The following ANK1 variants were observed in gnomAD, a reference collection of about 807,000 sequenced individuals.
ANK1 encodes ankyrin 1.
Under a neutral mutation model 210.4 loss-of-function variants are expected in ANK1, and 51 were observed. The ratio of observed to expected loss-of-function variants is 0.24; its 90% confidence interval spans 0.19 to 0.31. The LOEUF is 0.31. Among genes scored for constraint, ANK1 ranks in the 10% least tolerant of loss-of-function variants. ANK1 has a pLI of 1.00. For synonymous variants in ANK1, 967 were observed against 1,025.9 expected (o/e 0.94, Z 1.10); for missense variants, 2,051 against 2,504.4 (o/e 0.82, Z 3.86).
chr8:41,817,897 C>T lies in ANK1; in HGVS notation c.127-59760G>A, dbSNP rs568616065. On this transcript the variant is annotated intron_variant, in intron 1 of 42. Transcript: ENST00000265709. ...ATCCAGGGCCACTCCCAAAGACAGC[C>T]ACGGAGAGAAACCCTGAGACGATGC... Among the ~76,000 whole-genome samples the T allele has an allele frequency of 3.8e-4, 58 of 152,286 alleles. 1 individual carries two copies. Among genetic ancestry groups the T allele is most frequent in the African/African-American group, 1.4e-3 (57 of 41,570 alleles).
Position 41,871,756 on chromosome 8 carries a change from A to G in ANK1, c.126+24599T>C, listed in dbSNP as rs572061481. Among the ~76,000 whole-genome samples, 9 of 152,340 alleles carry G rather than the reference A, an allele frequency of 5.9e-5. 1 individual carries two copies. In the South Asian group the frequency reaches 1.4e-3, roughly 25 times the overall value. On this transcript the variant is annotated intron_variant, in intron 1 of 42. Transcript: ENST00000265709. ...CCAGTCTGTGGGACTTTGTTATGCC[A>G]GCCCTAGCAAGCTAAGACGCCATGC...
chr8:41,880,458 C>T (rs1313648841), intron 1 of ANK1, among the ~76,000 whole-genome samples: 10 of 152,144 alleles, frequency 6.6e-5, no homozygotes, highest in Non-Finnish European at 1.5e-4. Context: ...CTTTAATGCT[C>T]AGCTGTGAAC....
intron 2 of ANK1, among the ~76,000 whole-genome samples, chr8:41,747,835 T>C (rs1404514365): frequency 6.6e-6 from 1 of 152,216 alleles, no homozygotes; most frequent in Non-Finnish European, 1.5e-5. Context: ...CTGCTGTGAC[T>C]ACAAATGAAG....
chr8:41,775,019 A>C, intron 1 of ANK1, among the ~76,000 whole-genome samples: 1 of 152,120 alleles, frequency 6.6e-6, no homozygotes, highest in African/African-American at 2.4e-5. Flanking sequence ...ATGCAAAATC[A>C]AAATCATTGG....
chr8:41,706,076 G>A, intron 18 of ANK1, 67 bp downstream of exon 18: 1 of 1,469,232 alleles, frequency 6.8e-7, no homozygotes, highest in Non-Finnish European at 9.5e-7. Context: ...AAAGCTCTGT[G>A]GAAGATTCAA....
chr8:41,778,363 G>T (rs1316160460), intron 1 of ANK1, among the ~76,000 whole-genome samples: 1 of 152,216 alleles, frequency 6.6e-6, no homozygotes, highest in African/African-American at 2.4e-5. Context: ...CAAGGGAGTG[G>T]CTGAGATCAG....
intron 1 of ANK1, among the ~76,000 whole-genome samples, chr8:41,827,198 T>C (rs902025982): frequency 6.6e-6 from 1 of 152,222 alleles, no homozygotes; most frequent in African/African-American, 2.4e-5. Flanking sequence ...TATGCAAAAG[T>C]GAAAATTCTC....
rs149739384 is a variant in ANK1 at position 41,695,764 on chromosome 8, C to T, written c.2961-433G>A. Among the ~76,000 whole-genome samples the T allele has an allele frequency of 5.8e-3, 878 of 152,370 alleles. 8 individuals are homozygous for T. The highest frequency in any genetic ancestry group is 0.02 in the African/African-American group (832 of 41,588). ...TGCTTTGCAAATGGTGGTGACCGCT[C>T]TGAGGGGCCAGGAGGGCGGACAGAG... On this transcript the variant is annotated intron_variant, in intron 26 of 42. Transcript: ENST00000289734.
chr8:41,669,950 C>A (rs929412272), intron 38 of ANK1, among the ~76,000 whole-genome samples: 1 of 152,220 alleles, frequency 6.6e-6, no homozygotes, highest in Non-Finnish European at 1.5e-5. Flanking sequence ...TGTGGGGCAT[C>A]CTCCCTGAGA....
At chr8:41,782,439 G>C (rs1400235196) in intron 1 of ANK1, among the ~76,000 whole-genome samples, 3 of 152,098 alleles carry the variant, frequency 2.0e-5, no homozygotes, top group African/African-American at 7.2e-5. Flanking sequence ...TTGCCACTAA[G>C]CAGCAAGCCA....
chr8:41,838,329 G>T (rs191808343), intron 1 of ANK1, among the ~76,000 whole-genome samples: 1 of 152,340 alleles, frequency 6.6e-6, no homozygotes, highest in Admixed American at 6.5e-5. Flanking sequence ...TGGTTTCCAC[G>T]CTGTAGGACC....
intron 1 of ANK1, among the ~76,000 whole-genome samples, chr8:41,793,713 C>T (rs1172159963): frequency 6.6e-6 from 1 of 152,228 alleles, no homozygotes; most frequent in East Asian, 1.9e-4. Context: ...TCCGCTTTAT[C>T]CATGCCAAGG....
At chr8:41,844,164 C>T (rs1261723203) in intron 1 of ANK1, among the ~76,000 whole-genome samples, 1 of 152,228 alleles carries the variant, frequency 6.6e-6, no homozygotes. Flanking sequence ...TGAGCCACTT[C>T]ACCTGGCCTG....
chr8:41,848,057 C>T (rs1255104377), intron 1 of ANK1, among the ~76,000 whole-genome samples: 1 of 151,964 alleles, frequency 6.6e-6, no homozygotes, highest in African/African-American at 2.4e-5. Flanking sequence ...TGATGGTGTG[C>T]ACCTGTAATC....
upstream of ANK1, among the ~76,000 whole-genome samples, chr8:41,801,380 A>G (rs1269693520): frequency 3.9e-5 from 6 of 152,222 alleles, no homozygotes; most frequent in African/African-American, 1.4e-4. Context: ...TCTAGTGTGT[A>G]TGCTAGCAGG....
In ANK1 at chr8:41,694,648, C is replaced by G. The variant is rs760409431; in HGVS notation, c.3271G>C (p.Val1091Leu). ...GCATTCTCCGGGAACGTTGCCTGTA[C>G]CAGGGGCACCAGCTTGCTCTTCAGG... is the stretch of plus-strand genomic sequence containing the variant. ...GSLKSKLVPL[V>L]QATFPENAVT... Residue 1091 changes from valine (V) to leucine (L), a missense_variant, in exon 28 of 43, where the codon GTA becomes CTA. Physicochemically the swap from Val to Leu is conservative, Grantham distance 32 (BLOSUM62 1). Transcript: ENST00000289734. The surrounding 1 kb of genome is among the most constrained non-coding windows in gnomAD (Gnocchi z 5.7). The G allele has an allele frequency of 6.2e-7, 1 of 1,614,104 alleles. No homozygotes were observed. The highest frequency in any genetic ancestry group is 8.5e-7 in the Non-Finnish European group (1 of 1,180,016).
At chr8:41,869,571 C>A (rs957047734) in intron 1 of ANK1, among the ~76,000 whole-genome samples, 1 of 151,954 alleles carries the variant, frequency 6.6e-6, no homozygotes, top group East Asian at 1.9e-4. Context: ...CAGAGCGAGA[C>A]CATCTAAAAT....
At chr8:41,751,582 G>T (rs114186401) in intron 2 of ANK1, among the ~76,000 whole-genome samples, 1,662 of 152,234 alleles carry the variant, frequency 0.011, 37 homozygotes, top group African/African-American at 0.038. Context: ...CCCAGGCTGC[G>T]TAAGGAGCCC....
chr8:41,718,239 A>G, intron 10 of ANK1, 35 bp from the exon 11 acceptor site: 1 of 1,606,738 alleles, frequency 6.2e-7, no homozygotes, highest in Non-Finnish European at 8.5e-7. Flanking sequence ...GACAAGCAGG[A>G]GCTTACACAC....
Sources: gnomAD v4.1 joint callset for allele counts (sites outside exome capture counted in the v4.1 genomes callset) on GRCh38, gnomAD v4.1.1 for gene constraint, Gnocchi (gnomAD v3.1) non-coding constraint, MANE v1.5 for transcripts, NCBI Gene and HGNC (gene_info 2026-07-23, HGNC 2026-07-21) for gene names.